CDKAL1: variants seen among roughly 807,000 people sequenced by gnomAD.
CDKAL1 encodes the protein CDKAL1 threonylcarbamoyladenosine tRNA methylthiotransferase, also known as threonylcarbamoyladenosine tRNA methylthiotransferase.
CDKAL1 carries 32 observed loss-of-function variants against 68.2 expected under a neutral mutation model. The observed-to-expected ratio is 0.47, with a 90% CI of 0.35 to 0.63. The LOEUF (loss-of-function observed/expected upper bound fraction) is 0.63. CDKAL1 is among the 30% of genes least tolerant of loss of function. The pLI, the probability that CDKAL1 is intolerant of heterozygous loss-of-function variation, is 0.00. For synonymous variants in CDKAL1, 234 were observed against 244.3 expected (o/e 0.96, Z 0.39); for missense variants, 606 against 696.7 (o/e 0.87, Z 1.47).
chr6:21,176,492 G>A (rs1777576344), intron 13 of CDKAL1, among the ~76,000 whole-genome samples: 1 of 152,086 alleles, frequency 6.6e-6, no homozygotes, highest in African/African-American at 2.4e-5. Flanking sequence ...GATCTGCTTG[G>A]TTTCTTTGGT....
At chr6:20,775,378 T>G (rs934222362) in intron 7 of CDKAL1, among the ~76,000 whole-genome samples, 14 of 152,206 alleles carry the variant, frequency 9.2e-5, no homozygotes, top group Non-Finnish European at 1.6e-4. Flanking sequence ...TGATTCACAG[T>G]AGTCACAAAA....
intron 5 of CDKAL1, among the ~76,000 whole-genome samples, chr6:20,663,232 G>GTTT (rs34470647): frequency 7.8e-4 from 118 of 150,708 alleles, no homozygotes; most frequent in African/African-American, 2.0e-3. Context: ...GAAATGTAGT[G>GTTT]TTTTTTTTTC....
chr6:21,196,802 C>A (rs577353729), intron 13 of CDKAL1, among the ~76,000 whole-genome samples: 3 of 152,074 alleles, frequency 2.0e-5, no homozygotes, highest in African/African-American at 4.8e-5. Context: ...TAAAAATAAT[C>A]CCCGGCACAG....
intron 6 of CDKAL1, among the ~76,000 whole-genome samples, chr6:20,741,308 G>A (rs1773447029): frequency 6.6e-6 from 1 of 151,934 alleles, no homozygotes; most frequent in Non-Finnish European, 1.5e-5. Flanking sequence ...TTGTTCTGTG[G>A]TTAACATTTA....
rs922028962 is a variant in CDKAL1, at chr6:21,231,805, T to G, written c.*766T>G. 6.6e-6 allele frequency: 1 copy of G among 152,174 alleles called. No individual in the cohort carries two copies. Among genetic ancestry groups the G allele is most frequent in the Non-Finnish European group, 1.5e-5 (1 of 68,046 alleles). 9.4% of individuals were successfully genotyped at this position (152,174 alleles called of 1,614,324 possible). A position where few individuals can be genotyped will look rare whatever the true frequency, so the allele number is the denominator to read the frequency against. On this transcript the variant is annotated 3_prime_UTR_variant, in exon 16 of 16. Transcript: ENST00000274695. ...TCCCAGTGCTACAAACATTGTATTT[T>G]TCACAGCAGATGTGTTCCTGAAAAG...
At chr6:20,588,198 A>G (rs137862644) in intron 4 of CDKAL1, among the ~76,000 whole-genome samples, 3 of 152,248 alleles carry the variant, frequency 2.0e-5, no homozygotes, top group Non-Finnish European at 2.9e-5. Context: ...AATATCCAGT[A>G]GAGATAATTA....
intron 13 of CDKAL1, among the ~76,000 whole-genome samples, chr6:21,137,401 A>G (rs559789241): frequency 6.6e-6 from 1 of 152,332 alleles, no homozygotes; most frequent in East Asian, 1.9e-4. Context: ...CAGATTTATC[A>G]TAAAAAGGAA....
At chr6:21,012,384 A>G (rs760664421) in intron 11 of CDKAL1, among the ~76,000 whole-genome samples, 2 of 152,096 alleles carry the variant, frequency 1.3e-5, no homozygotes, top group African/African-American at 2.4e-5. Context: ...AACTTACTCT[A>G]AGAGAGAGAG....
At chr6:21,215,476 T>C (rs959642907) in intron 15 of CDKAL1, among the ~76,000 whole-genome samples, 3 of 152,190 alleles carry the variant, frequency 2.0e-5, no homozygotes, top group African/African-American at 7.2e-5. Context: ...TTGGTGTTTT[T>C]GCCTGTGATC....
chr6:21,136,164 A>G (rs924425692), intron 13 of CDKAL1, among the ~76,000 whole-genome samples: 3 of 152,212 alleles, frequency 2.0e-5, no homozygotes, highest in African/African-American at 7.2e-5. Context: ...TTAGACTTCA[A>G]GTGAAGTTAG....
At chr6:20,708,610 C>T (rs750982735) in intron 5 of CDKAL1, among the ~76,000 whole-genome samples, 4 of 152,256 alleles carry the variant, frequency 2.6e-5, no homozygotes, top group Middle Eastern at 3.4e-3. Flanking sequence ...GTTTCAGGTT[C>T]GAGACCTTGT....
At chr6:20,767,457 T>C (rs1346085256) in intron 7 of CDKAL1, among the ~76,000 whole-genome samples, 3 of 152,072 alleles carry the variant, frequency 2.0e-5, no homozygotes, top group Non-Finnish European at 4.4e-5. Context: ...ATTATCATCT[T>C]CAATTTTTTT....
rs1165868444 is a variant in CDKAL1, at chr6:21,170,674, T to TA, written c.1300-27339dup. ...TTTTCTTTCTTATTAAGTTTGGCAT[T>TA]AAAAAAAAGTCATGACACTATTTCT... On this transcript the variant is annotated intron_variant, in intron 13 of 15. Coordinates refer to ENST00000274695, the MANE Select transcript of CDKAL1 (RefSeq NM_017774.3). 7.2e-5 allele frequency among the ~76,000 whole-genome samples: 11 copies of TA among 151,946 alleles called. No homozygotes were observed. In the East Asian group the frequency reaches 1.4e-3, roughly 19 times the overall value.
chr6:21,024,629 A>G (rs555599547), intron 11 of CDKAL1, among the ~76,000 whole-genome samples: 2 of 152,308 alleles, frequency 1.3e-5, no homozygotes, highest in African/African-American at 4.8e-5. Context: ...TTCATCACAG[A>G]TTTTTAGAAG....
At chr6:20,614,283 T>C (rs751242523) in intron 4 of CDKAL1, among the ~76,000 whole-genome samples, 1 of 152,204 alleles carries the variant, frequency 6.6e-6, no homozygotes, top group African/African-American at 2.4e-5. Context: ...CAGTGTTTTC[T>C]TTTACTCCAA....
At chr6:21,181,633 G>A (rs1454803169) in intron 13 of CDKAL1, among the ~76,000 whole-genome samples, 1 of 152,152 alleles carries the variant, frequency 6.6e-6, no homozygotes, top group Non-Finnish European at 1.5e-5. Flanking sequence ...GCACAAAACA[G>A]ACTAAGGCAG....
chr6:20,943,391 T>C (rs1764088666), intron 9 of CDKAL1, among the ~76,000 whole-genome samples: 1 of 151,478 alleles, frequency 6.6e-6, no homozygotes, highest in Non-Finnish European at 1.5e-5. Context: ...TGTACTTTGA[T>C]GTGGCTTCTT....
chr6:20,988,180 A>ATTGTGTGTGTGTG (rs1491171083), intron 10 of CDKAL1, among the ~76,000 whole-genome samples: 2 of 34,298 alleles, frequency 5.8e-5, no homozygotes, highest in African/African-American at 1.6e-4. Flanking sequence ...AAGAAACATA[A>ATTGTGTGTGTGTG]TATGTGTGTG....
At chr6:21,025,186 A>G (rs949038470) in intron 11 of CDKAL1, among the ~76,000 whole-genome samples, 1 of 152,216 alleles carries the variant, frequency 6.6e-6, no homozygotes, top group South Asian at 2.1e-4. Context: ...TGCAGATTGT[A>G]CAATCAGTCA....
Sources: gnomAD v4.1 joint callset for allele counts (sites outside exome capture counted in the v4.1 genomes callset) on GRCh38, gnomAD v4.1.1 for gene constraint, MANE v1.5 for transcripts, NCBI Gene and HGNC (gene_info 2026-07-23, HGNC 2026-07-21) for gene names.